Variants in GPHN observed in about 807,000 individuals in gnomAD.
GPHN encodes the protein gephyrin.
A neutral mutation model predicts 95.5 loss-of-function variants in GPHN; 17 were observed. The observed-to-expected ratio is 0.18, with a 90% CI of 0.12 to 0.27. The LOEUF is 0.27. Among genes scored for constraint, GPHN ranks in the 10% least tolerant of loss-of-function variants. The pLI, the probability that GPHN is intolerant of heterozygous loss-of-function variation, is 1.00. For synonymous variants in GPHN, 320 were observed against 322.5 expected (o/e 0.99, Z 0.08); for missense variants, 660 against 978.1 (o/e 0.67, Z 4.34).
chr14:67,199,271 A>T, the GPHN span: 47 of 1,599,882 alleles, frequency 2.9e-5, no homozygotes, highest in Non-Finnish European at 4.0e-5. Flanking sequence ...TGACTATGCC[A>T]TTAAGATCAT....
chr14:66,607,518 T>A (rs992347034), intron 1 of GPHN, among the ~76,000 whole-genome samples: 3 of 151,976 alleles, frequency 2.0e-5, no homozygotes, highest in Non-Finnish European at 4.4e-5. Context: ...GTAGAATGAG[T>A]TAGGGAGCAG....
chr14:67,578,063 C>G, the GPHN span: 1 of 1,613,916 alleles, frequency 6.2e-7, no homozygotes, highest in Non-Finnish European at 8.5e-7. The surrounding 1 kb of genome is among the most constrained non-coding windows in gnomAD (Gnocchi z 5.0). Context: ...GAAGCTGCCT[C>G]GGTGGACTAC....
At chr14:67,548,940 C>T in the GPHN span, among the ~76,000 whole-genome samples, 1 of 152,100 alleles carries the variant, frequency 6.6e-6, no homozygotes, top group African/African-American at 2.4e-5. Context: ...TGTTTACTCC[C>T]CTTAAGCAAG....
the GPHN span, chr14:67,334,808 C>CACTT: frequency 2.0e-5 from 3 of 152,246 alleles, no homozygotes; most frequent in Non-Finnish European, 2.9e-5. Flanking sequence ...ATATACTTAG[C>CACTT]ACTTACTTAA....
chr14:67,267,918 T>A, the GPHN span, among the ~76,000 whole-genome samples: 1 of 152,242 alleles, frequency 6.6e-6, no homozygotes, highest in East Asian at 1.9e-4. Context: ...TTATTGCATT[T>A]TTTGTTTATC....
intron 4 of GPHN, among the ~76,000 whole-genome samples, chr14:66,863,992 G>A (rs187481520): frequency 2.0e-5 from 3 of 152,216 alleles, no homozygotes; most frequent in Non-Finnish European, 4.4e-5. Context: ...AAAAGCTTCT[G>A]CAGAGCAAAG....
At chr14:66,535,646 T>A (rs2059117779) in intron 1 of GPHN, among the ~76,000 whole-genome samples, 1 of 152,154 alleles carries the variant, frequency 6.6e-6, no homozygotes, top group South Asian at 2.1e-4. Context: ...CAGCAGTATT[T>A]TTTGGTTTAC....
At chr14:67,256,887 A>G in the GPHN span, among the ~76,000 whole-genome samples, 3 of 152,072 alleles carry the variant, frequency 2.0e-5, no homozygotes, top group Non-Finnish European at 4.4e-5. Context: ...GATTCTTTTT[A>G]CCAAAGAATG....
intron 13 of GPHN, among the ~76,000 whole-genome samples, chr14:67,104,596 A>G (rs1288754831): frequency 6.6e-6 from 1 of 152,094 alleles, no homozygotes; most frequent in Non-Finnish European, 1.5e-5. Context: ...GATTGTATGT[A>G]TTGAGGAATT....
At chr14:66,547,659 A>G (rs142361898) in intron 1 of GPHN, among the ~76,000 whole-genome samples, 2,024 of 152,324 alleles carry the variant, frequency 0.013, 21 homozygotes, top group Middle Eastern at 0.02. Flanking sequence ...TATCCTGTAC[A>G]AGGTCAAACA....
chr14:66,601,983 G>T (rs1016486743), intron 1 of GPHN, among the ~76,000 whole-genome samples: 1 of 151,938 alleles, frequency 6.6e-6, no homozygotes, highest in Non-Finnish European at 1.5e-5. Context: ...TGGTGTCCTT[G>T]TAACTGGGCT....
intron 1 of GPHN, among the ~76,000 whole-genome samples, chr14:66,545,090 C>T (rs1594897015): frequency 6.6e-6 from 1 of 152,150 alleles, no homozygotes; most frequent in Non-Finnish European, 1.5e-5. Context: ...AATGAGCTGC[C>T]GGGCACACCT....
the GPHN span, among the ~76,000 whole-genome samples, chr14:67,434,772 G>C: frequency 6.6e-6 from 1 of 152,130 alleles, no homozygotes; most frequent in East Asian, 1.9e-4. Flanking sequence ...ATCTGAAACG[G>C]GGTAATTTAT....
At chr14:66,648,427 G>T (rs139188716) in intron 1 of GPHN, among the ~76,000 whole-genome samples, 1 of 152,150 alleles carries the variant, frequency 6.6e-6, no homozygotes, top group African/African-American at 2.4e-5. Context: ...TTACAGTCAG[G>T]CACTGCATAT....
the GPHN span, among the ~76,000 whole-genome samples, chr14:67,216,205 C>G: frequency 1.3e-5 from 2 of 152,066 alleles, no homozygotes; most frequent in Non-Finnish European, 2.9e-5. Context: ...TTAAGATTTA[C>G]TCCTTGTGTT....
chr14:67,553,386 A>T, the GPHN span, among the ~76,000 whole-genome samples: 1 of 151,838 alleles, frequency 6.6e-6, no homozygotes, highest in Non-Finnish European at 1.5e-5. Context: ...TAAAAAAAAA[A>T]CCCCAAAACC....
At chr14:67,449,501 C>T in the GPHN span, among the ~76,000 whole-genome samples, 8 of 152,264 alleles carry the variant, frequency 5.3e-5, no homozygotes, top group South Asian at 1.2e-3. Context: ...AGGAGGGAGT[C>T]TCCTGACAAT....
chr14:67,553,500 C>G, the GPHN span, among the ~76,000 whole-genome samples: 1 of 152,148 alleles, frequency 6.6e-6, no homozygotes, highest in Non-Finnish European at 1.5e-5. Context: ...GAGGTTTGTG[C>G]ACCTTCTCCA....
chr14:66,923,796 T>G (rs1265136040), intron 7 of GPHN, among the ~76,000 whole-genome samples: 1 of 143,576 alleles, frequency 7.0e-6, no homozygotes, highest in Non-Finnish European at 1.6e-5. Context: ...CATTGTGAGG[T>G]TTTTTTTTTA....
Sources: gnomAD v4.1 joint callset for allele counts (sites outside exome capture counted in the v4.1 genomes callset) on GRCh38, gnomAD v4.1.1 for gene constraint, Gnocchi (gnomAD v3.1) non-coding constraint, MANE v1.5 for transcripts, NCBI Gene and HGNC (gene_info 2026-07-23, HGNC 2026-07-21) for gene names.